The following ASIC2 variants were observed in gnomAD, a reference collection of about 807,000 sequenced individuals.
ASIC2 encodes the protein acid sensing ion channel subunit 2, also known as acid-sensing ion channel 2.
Under a neutral mutation model 57.3 loss-of-function variants are expected in ASIC2, and 25 were observed. The ratio of observed to expected loss-of-function variants is 0.44; its 90% CI spans 0.32 to 0.61. ASIC2 has a LOEUF of 0.61. ASIC2 is among the 20% of genes least tolerant of loss of function. The pLI is 0.06. For missense variants in ASIC2, 641 were observed against 738.1 expected, an observed-to-expected ratio of 0.87 and a Z score of 1.52; for synonymous variants, 319 against 307.5, an observed-to-expected ratio of 1.04 and a Z score of -0.39.
At chr17:33,148,759 G>A (rs1420265744) in intron 1 of ASIC2, among the ~76,000 whole-genome samples, 1 of 152,144 alleles carries the variant, frequency 6.6e-6, no homozygotes, top group East Asian at 1.9e-4. Flanking sequence ...TAATAAAACA[G>A]TTGTATCAAA....
chr17:33,355,990 TTCC>T (rs1350120472), intron 1 of ASIC2, among the ~76,000 whole-genome samples: 2 of 152,172 alleles, frequency 1.3e-5, no homozygotes, highest in Non-Finnish European at 2.9e-5. Context: ...CAGGGAAGGC[TTCC>T]TGGAGGAAGT....
At chr17:34,127,783 T>C (rs1470304970) in intron 1 of ASIC2, among the ~76,000 whole-genome samples, 1 of 152,084 alleles carries the variant, frequency 6.6e-6, no homozygotes, top group Admixed American at 6.5e-5. Flanking sequence ...AACTGTCCCA[T>C]GCAAGGAAAA....
chr17:33,464,118 C>A (rs1425259805), intron 1 of ASIC2, among the ~76,000 whole-genome samples: 1 of 152,216 alleles, frequency 6.6e-6, no homozygotes, highest in Non-Finnish European at 1.5e-5. Context: ...TGTCATTGCT[C>A]ATTTTCCCAG....
chr17:33,989,450 A>T (rs1275607965), intron 1 of ASIC2, among the ~76,000 whole-genome samples: 3 of 151,990 alleles, frequency 2.0e-5, no homozygotes, highest in Non-Finnish European at 4.4e-5. Context: ...AGAGTGCACG[A>T]AAGGAGATCG....
At chr17:33,456,061 A>G (rs1352962598) in intron 1 of ASIC2, among the ~76,000 whole-genome samples, 1 of 152,134 alleles carries the variant, frequency 6.6e-6, no homozygotes, top group Non-Finnish European at 1.5e-5. Flanking sequence ...AGGGCTCTCT[A>G]TCCCAACTCC....
intron 1 of ASIC2, among the ~76,000 whole-genome samples, chr17:33,655,601 T>C (rs2142041433): frequency 6.6e-6 from 1 of 152,384 alleles, no homozygotes; most frequent in East Asian, 1.9e-4. Context: ...CTTGAATTGC[T>C]TGACTGTTCC....
At chr17:34,078,522 G>A (rs1909754432) in intron 1 of ASIC2, among the ~76,000 whole-genome samples, 1 of 152,162 alleles carries the variant, frequency 6.6e-6, no homozygotes, top group Admixed American at 6.5e-5. Flanking sequence ...ATTCTGGCTG[G>A]TATTTATAGC....
At chr17:33,896,008 TAA>T (rs61657913) in intron 1 of ASIC2, among the ~76,000 whole-genome samples, 3 of 151,484 alleles carry the variant, frequency 2.0e-5, no homozygotes, top group Non-Finnish European at 4.4e-5. Flanking sequence ...TAAATGAGAT[TAA>T]AAAAAAATGT....
chr17:33,333,310 C>T (rs373094008), intron 1 of ASIC2, among the ~76,000 whole-genome samples: 75 of 152,240 alleles, frequency 4.9e-4, no homozygotes, highest in African/African-American at 1.6e-3. Flanking sequence ...GGTTCTTATC[C>T]GGGCCTTATT....
chr17:33,468,175 C>A (rs2141917394), intron 1 of ASIC2, among the ~76,000 whole-genome samples: 1 of 152,296 alleles, frequency 6.6e-6, no homozygotes, highest in Non-Finnish European at 1.5e-5. Context: ...AATAGCTGTA[C>A]CCTCTATTCC....
intron 1 of ASIC2, among the ~76,000 whole-genome samples, chr17:33,735,344 C>T (rs369855774): frequency 2.2e-4 from 33 of 152,212 alleles, no homozygotes; most frequent in African/African-American, 7.9e-4. Flanking sequence ...CATAAGTGGG[C>T]AGTGTGAAGG....
Position 33,292,049 on chromosome 17 carries a change from C to T in ASIC2, c.67G>A (p.Ala23Thr). The T allele has an allele frequency of 9.7e-6, 11 of 1,138,588 alleles. No homozygotes were observed. The highest frequency in any genetic ancestry group is 1.2e-5 in the Non-Finnish European group (11 of 934,104). 70.5% of individuals were successfully genotyped at this position (1,138,588 alleles called of 1,614,324 possible). A position where few individuals can be genotyped will look rare whatever the true frequency, so the allele number is the denominator to read the frequency against. Residue 23 changes from alanine to threonine, a missense_variant, in exon 1 of 10, where the codon GCC (alanine) becomes ACC (threonine). Coordinates refer to ENST00000225823, the MANE Select transcript of ASIC2 (RefSeq NM_183377.2). ...GCCGCGGGCGCCGGCTCCTCGCGGG[C>T]CATGCGGAAGCGTCCCGGGCCGGTG... The part of the protein sequence containing the change: ...ALTGPGRFRM[A>T]REEPAPAALA...
chr17:33,293,577 G>A (rs2142185936), upstream of ASIC2, among the ~76,000 whole-genome samples: 1 of 152,272 alleles, frequency 6.6e-6, no homozygotes, highest in Non-Finnish European at 1.5e-5. Context: ...GGGGTGAGAG[G>A]ACTCCTGAGG....
chr17:33,270,125 T>A (rs1002888703), intron 1 of ASIC2, among the ~76,000 whole-genome samples: 3 of 152,240 alleles, frequency 2.0e-5, no homozygotes. Flanking sequence ...AATAAACTAA[T>A]TCATTGCAAA....
intron 1 of ASIC2, among the ~76,000 whole-genome samples, chr17:34,105,170 T>C (rs1040152520): frequency 6.6e-6 from 1 of 152,044 alleles, no homozygotes; most frequent in Admixed American, 6.5e-5. Flanking sequence ...TTTAGTTTCA[T>C]GGGCAGTTGG....
intron 1 of ASIC2, among the ~76,000 whole-genome samples, chr17:33,654,515 C>A (rs956294412): frequency 3.3e-5 from 5 of 152,218 alleles, no homozygotes; most frequent in Non-Finnish European, 7.3e-5. Flanking sequence ...CAAAATAGTT[C>A]TTGGAATTCC....
intron 1 of ASIC2, among the ~76,000 whole-genome samples, chr17:33,829,842 C>T (rs1333738303): frequency 6.6e-6 from 1 of 152,064 alleles, no homozygotes; most frequent in Non-Finnish European, 1.5e-5. Context: ...GGATTACAGG[C>T]GTGAGCCACC....
chr17:33,154,604 C>T (rs1288112195), intron 1 of ASIC2, among the ~76,000 whole-genome samples: 1 of 152,202 alleles, frequency 6.6e-6, no homozygotes, highest in Non-Finnish European at 1.5e-5. Flanking sequence ...AAACCTAGGC[C>T]TACTGAGTCC....
chr17:33,863,113 A>G (rs1312403038), intron 1 of ASIC2, among the ~76,000 whole-genome samples: 3 of 152,256 alleles, frequency 2.0e-5, no homozygotes, highest in Non-Finnish European at 4.4e-5. Context: ...GCCAGCTTAT[A>G]GCTAAGTCAA....
Sources: allele counts gnomAD v4.1 joint callset (sites outside exome capture counted in the v4.1 genomes callset), GRCh38; gene constraint gnomAD v4.1.1; transcripts MANE v1.5; gene names NCBI Gene and HGNC (gene_info 2026-07-23, HGNC 2026-07-21).